GABRG1: variants seen among roughly 807,000 people sequenced by gnomAD.
GABRG1 encodes the protein gamma-aminobutyric acid type A receptor subunit gamma1.
In GABRG1, 49 loss-of-function variants were observed where a neutral mutation model predicts 49.8. That is an observed-to-expected ratio of 0.98 (90% confidence interval 0.78 to 1.25). The LOEUF is 1.25. Ranked by LOEUF, GABRG1 falls within the 50% of genes most tolerant of loss-of-function variation. The probability of loss-of-function intolerance (pLI) is 0.00; values close to 1 mark genes in which losing one functional copy is unlikely to be tolerated. For missense variants in GABRG1, 552 were observed against 552.3 expected, an observed-to-expected ratio of 1.00 and a Z score of 0.01; for synonymous variants, 232 against 185.1, an observed-to-expected ratio of 1.25 and a Z score of -2.06.
intron 1 of GABRG1, among the ~76,000 whole-genome samples, chr4:46,102,572 G>A (rs554474991): frequency 5.6e-4 from 84 of 151,278 alleles, no homozygotes; most frequent in African/African-American, 1.9e-3. Context: ...ACAAGTCTAA[G>A]GCCATCTTGA....
chr4:46,076,001 A>T (rs1719311392), intron 3 of GABRG1, among the ~76,000 whole-genome samples: 1 of 151,966 alleles, frequency 6.6e-6, no homozygotes, highest in Non-Finnish European at 1.5e-5. Context: ...CTTAACGGGT[A>T]AATGTACATT....
At chr4:46,101,866 C>A (rs1207872555) in intron 1 of GABRG1, among the ~76,000 whole-genome samples, 1 of 151,466 alleles carries the variant, frequency 6.6e-6, no homozygotes, top group Non-Finnish European at 1.5e-5. Flanking sequence ...AAACAGTTTG[C>A]TTTAATTGTC....
intron 1 of GABRG1, among the ~76,000 whole-genome samples, chr4:46,108,768 A>T (rs1720635777): frequency 6.6e-6 from 1 of 151,022 alleles, no homozygotes; most frequent in Non-Finnish European, 1.5e-5. Context: ...TTTATAAGTG[A>T]AGATCACTCA....
At chr4:46,046,062 G>T (rs1577628468) in intron 8 of GABRG1, among the ~76,000 whole-genome samples, 1 of 152,046 alleles carries the variant, frequency 6.6e-6, no homozygotes, top group African/African-American at 2.4e-5. Flanking sequence ...CTGAGATTTT[G>T]GACAAAATGT....
chr4:46,105,791 T>TAGATAGATA (rs1553883516), intron 1 of GABRG1, among the ~76,000 whole-genome samples: 2 of 144,556 alleles, frequency 1.4e-5, no homozygotes, highest in African/African-American at 5.1e-5. Flanking sequence ...GGTAGATAGA[T>TAGATAGATA]GATAGATAGA....
At chr4:46,044,023 ATAT>A (rs1200361982) in intron 8 of GABRG1, among the ~76,000 whole-genome samples, 3 of 152,072 alleles carry the variant, frequency 2.0e-5, no homozygotes, top group East Asian at 1.9e-4. Context: ...TTTGATGATT[ATAT>A]TATTATGAAA....
At chr4:46,070,035 G>T (rs536059745) in intron 3 of GABRG1, among the ~76,000 whole-genome samples, 1 of 151,894 alleles carries the variant, frequency 6.6e-6, no homozygotes, top group African/African-American at 2.4e-5. Flanking sequence ...AATAAAGAAT[G>T]CAAGCCATAT....
At chr4:46,108,125 T>C (rs904592298) in intron 1 of GABRG1, among the ~76,000 whole-genome samples, 2 of 151,178 alleles carry the variant, frequency 1.3e-5, no homozygotes, top group Non-Finnish European at 3.0e-5. Flanking sequence ...GTATAAATGA[T>C]GGTAATAAGT....
chr4:46,112,205 G>C (rs1720738293), intron 1 of GABRG1, among the ~76,000 whole-genome samples: 1 of 151,140 alleles, frequency 6.6e-6, no homozygotes, highest in African/African-American at 2.4e-5. Flanking sequence ...TTCAAAAGAA[G>C]ACATAGAGGT....
Position 46,123,906 on chromosome 4 carries a change from G to T in GABRG1, c.8C>A (p.Pro3His), listed in dbSNP as rs369740821. MG[P>H]LKAFLFSPFL... ...AGGGGAGAAGAGAAAAGCTTTCAAA[G>T]GACCCATCGGAATCGCTTTTTTACG... The change falls in exon 1 of 9, where the codon CCT (proline) becomes CAT (histidine). Residue 3 changes from proline (P) to histidine (H), a missense_variant. By Grantham distance (77) the Pro-to-His change is moderately conservative (BLOSUM62 -2). Coordinates refer to ENST00000295452, the MANE Select transcript of GABRG1 (RefSeq NM_173536.4). 1.2e-6 allele frequency: 2 copies of T among 1,613,294 alleles called. No homozygotes were observed. The highest frequency in any genetic ancestry group is 1.7e-6 in the Non-Finnish European group (2 of 1,179,518).
chr4:46,118,243 GATCTATCTATCTATCT>G (rs71652878), intron 1 of GABRG1, among the ~76,000 whole-genome samples: 1 of 144,440 alleles, frequency 6.9e-6, no homozygotes, highest in Non-Finnish European at 1.5e-5. Flanking sequence ...ATTACATATA[GATCTATCTATCTATCT>G]ATCTATCTAT....
At chr4:46,105,033 G>A (rs1253594295) in intron 1 of GABRG1, among the ~76,000 whole-genome samples, 1 of 151,400 alleles carries the variant, frequency 6.6e-6, no homozygotes, top group Non-Finnish European at 1.5e-5. Context: ...AAACGGTAAA[G>A]TGGGCACGCT....
intron 2 of GABRG1, among the ~76,000 whole-genome samples, chr4:46,096,242 A>C (rs901751169): frequency 1.3e-5 from 2 of 151,838 alleles, no homozygotes; most frequent in African/African-American, 4.8e-5. Context: ...AGAAGAAAAA[A>C]AGAAAATAGA....
At position 46,039,515 on chromosome 4, in the gene GABRG1, G is replaced by A. The variant is rs547317702; in HGVS notation, c.*1473C>T. 6.6e-6 allele frequency: 1 copy of A among 151,622 alleles called. No homozygotes were observed. Among genetic ancestry groups the A allele is most frequent in the Non-Finnish European group, 1.5e-5 (1 of 67,766 alleles). The allele number at this position is 151,622 out of a possible 1,614,324, so 9.4% of individuals were successfully genotyped here. ...TGACAGGTTTCCTCTCAAACCTTAA[G>A]TAAGATAGGCTGTGATCATAAAACT... On this transcript the variant is annotated 3_prime_UTR_variant, in exon 9 of 9. Coordinates refer to ENST00000295452, the MANE Select transcript of GABRG1 (RefSeq NM_173536.4).
chr4:46,082,307 A>G (rs986673565), intron 3 of GABRG1, among the ~76,000 whole-genome samples: 2 of 151,452 alleles, frequency 1.3e-5, no homozygotes, highest in Non-Finnish European at 3.0e-5. Flanking sequence ...TTCTCAAATT[A>G]TCTCTCCCTC....
chr4:46,061,883 A>G (rs1353114679), intron 5 of GABRG1, among the ~76,000 whole-genome samples: 1 of 94,628 alleles, frequency 1.1e-5, no homozygotes, highest in Admixed American at 1.0e-4. Context: ...TATTTTTTTT[A>G]TTATTATTAT....
chr4:46,108,135 T>A (rs1720612352), intron 1 of GABRG1, among the ~76,000 whole-genome samples: 1 of 151,124 alleles, frequency 6.6e-6, no homozygotes, highest in Non-Finnish European at 1.5e-5. Context: ...TGGTAATAAG[T>A]ATGGAATGAA....
At chr4:46,051,299 T>C in intron 8 of GABRG1, 125 bp downstream of exon 8, 2 of 700,644 alleles carry the variant, frequency 2.9e-6, no homozygotes, top group South Asian at 2.0e-5. Flanking sequence ...CAGTTTCATC[T>C]TAACTTTGTC....
intron 8 of GABRG1, among the ~76,000 whole-genome samples, chr4:46,043,850 T>C (rs549565220): frequency 1.8e-4 from 27 of 152,050 alleles, no homozygotes; most frequent in African/African-American, 6.0e-4. Flanking sequence ...TCTAGTTATA[T>C]ACTAATAAAA....
Sources: gnomAD v4.1 joint callset for allele counts (sites outside exome capture counted in the v4.1 genomes callset) on GRCh38, gnomAD v4.1.1 for gene constraint, MANE v1.5 for transcripts, NCBI Gene and HGNC (gene_info 2026-07-23, HGNC 2026-07-21) for gene names.